RAB37: variants seen among roughly 807,000 people sequenced by gnomAD.
The protein encoded by RAB37 is ras-related protein Rab-37.
A neutral mutation model predicts 33.1 loss-of-function variants in RAB37; 29 were observed. That is an observed-to-expected ratio of 0.88 (90% CI 0.65 to 1.20). RAB37 has a LOEUF of 1.20. RAB37 is among the 50% of genes most tolerant of loss of function. The pLI is 0.00. For missense variants in RAB37, 299 were observed against 301.1 expected (o/e 0.99, Z 0.05); for synonymous variants, 128 against 119.5 (o/e 1.07, Z -0.47).
chr17:74,719,811 C>T (rs919252943), intron 1 of RAB37, among the ~76,000 whole-genome samples: 1 of 152,178 alleles, frequency 6.6e-6, no homozygotes, highest in Admixed American at 6.5e-5. Flanking sequence ...GCCACTGTAC[C>T]TGGCCAAGCA....
At chr17:74,695,511 C>T (rs1426289389) in intron 1 of RAB37, among the ~76,000 whole-genome samples, 1 of 152,206 alleles carries the variant, frequency 6.6e-6, no homozygotes, top group Admixed American at 6.5e-5. Context: ...CTCTGCTGCC[C>T]ACGTGGGGAC....
intron 1 of RAB37, among the ~76,000 whole-genome samples, chr17:74,692,948 G>A (rs751536857): frequency 7.9e-5 from 12 of 152,162 alleles, no homozygotes; most frequent in Admixed American, 1.3e-4. Context: ...AACTAGGCAC[G>A]GGGGATATGG....
chr17:74,727,687 G>C (rs1038806396), intron 1 of RAB37, among the ~76,000 whole-genome samples: 8 of 152,256 alleles, frequency 5.3e-5, no homozygotes, highest in Non-Finnish European at 1.2e-4. Flanking sequence ...GGAAGTCTGA[G>C]AGACACATTC....
chr17:74,687,719 A>G (rs1421324905), intron 1 of RAB37, among the ~76,000 whole-genome samples: 1 of 152,146 alleles, frequency 6.6e-6, no homozygotes, highest in East Asian at 1.9e-4. Flanking sequence ...CTCCAAACAA[A>G]GAGGGTCACT....
chr17:74,717,017 C>T (rs906485838), intron 1 of RAB37, among the ~76,000 whole-genome samples: 4 of 152,114 alleles, frequency 2.6e-5, no homozygotes, highest in African/African-American at 9.7e-5. Context: ...TACCTGTAGT[C>T]CCAGCTGCTC....
chr17:74,705,281 G>T, intron 1 of RAB37: 1 of 700,058 alleles, frequency 1.4e-6, no homozygotes, highest in Admixed American at 2.0e-5. Flanking sequence ...AGGCTGTCCT[G>T]GTGGTCCTAA....
chr17:74,681,428 A>G (rs993651620), intron 1 of RAB37, among the ~76,000 whole-genome samples: 1 of 152,234 alleles, frequency 6.6e-6, no homozygotes, highest in African/African-American at 2.4e-5. Context: ...TGCACTTCTG[A>G]GAAGTGCCCA....
chr17:74,705,172 A>G (rs950868373), intron 1 of RAB37: 1 of 694,726 alleles, frequency 1.4e-6, no homozygotes, highest in Non-Finnish European at 2.6e-6. Flanking sequence ...TGGGGAGGAA[A>G]TACCAGGAGA....
At chr17:74,701,487 T>C (rs2033045978) in intron 1 of RAB37, among the ~76,000 whole-genome samples, 1 of 152,204 alleles carries the variant, frequency 6.6e-6, no homozygotes, top group South Asian at 2.1e-4. Flanking sequence ...TAACCTTAAC[T>C]ATTACTTATT....
chr17:74,740,525 G>A (rs1028617867), intron 1 of RAB37, among the ~76,000 whole-genome samples: 2 of 152,160 alleles, frequency 1.3e-5, no homozygotes, highest in Non-Finnish European at 2.9e-5. Context: ...TCTCAACTCC[G>A]GCCTCTAGGA....
rs373986170 is a variant in RAB37 at position 74,714,551 on chromosome 17, C to T, written c.73-14705C>T. On this transcript the variant is annotated intron_variant, in intron 1 of 7. Transcript: ENST00000340415. ...AAGCTCCTACTGCTGTACCCCAGCC[C>T]ACCAGGTGAGATCCCAGGGATACCT... 1.3e-4 allele frequency among the ~76,000 whole-genome samples: 20 copies of T among 152,234 alleles called. No homozygotes were observed. The East Asian group carries it at 1.7e-3, about 13-fold the overall frequency.
intron 1 of RAB37, chr17:74,703,177 C>T: frequency 6.3e-7 from 1 of 1,576,326 alleles, no homozygotes; most frequent in Non-Finnish European, 8.7e-7. Flanking sequence ...AACCAGATCA[C>T]AGATGCCCCT....
intron 1 of RAB37, among the ~76,000 whole-genome samples, chr17:74,716,276 G>A (rs188856978): frequency 2.6e-5 from 4 of 152,260 alleles, no homozygotes; most frequent in East Asian, 3.9e-4. Context: ...CTGCTCTAAC[G>A]CACCTATGTA....
chr17:74,740,825 G>C lies in RAB37; in HGVS notation c.151G>C (p.Asp51His). ...GKTCFLIQFK[D>H]GAFLSGTFIA... ...AACATGTTTCCTGATCCAATTCAAA[G>C]ACGGGGCCTTCCTGTCCGGAACCTT... is the stretch of plus-strand genomic sequence containing the variant. The change falls in exon 2 of 9, where the codon GAC becomes CAC. Residue 51 changes from aspartate to histidine, a missense_variant. Coordinates refer to ENST00000392613, the MANE Select transcript of RAB37 (RefSeq NM_001006638.3). 1 of 1,614,166 alleles carries C rather than the reference G, an allele frequency of 6.2e-7. No individual in the cohort carries two copies. The highest frequency in any genetic ancestry group is 8.5e-7 in the Non-Finnish European group (1 of 1,180,024).
intron 1 of RAB37, among the ~76,000 whole-genome samples, chr17:74,717,126 ACT>A (rs1158860243): frequency 6.6e-6 from 1 of 152,172 alleles, no homozygotes; most frequent in African/African-American, 2.4e-5. Flanking sequence ...CGAGAGCGAA[ACT>A]CTGTCTCAAA....
chr17:74,692,024 C>T (rs1481745078), intron 1 of RAB37, among the ~76,000 whole-genome samples: 1 of 152,066 alleles, frequency 6.6e-6, no homozygotes, highest in African/African-American at 2.4e-5. Context: ...CGCCACCACA[C>T]CCAGTTAATT....
At chr17:74,694,899 C>T (rs552400094) in intron 1 of RAB37, 3 of 519,600 alleles carry the variant, frequency 5.8e-6, no homozygotes, top group Non-Finnish European at 6.8e-6. Context: ...GAGGAGGGGA[C>T]GTTTAGAAAA....
intron 1 of RAB37, among the ~76,000 whole-genome samples, chr17:74,723,619 C>T (rs1394466968): frequency 6.7e-6 from 1 of 149,088 alleles, no homozygotes; most frequent in Non-Finnish European, 1.5e-5. Context: ...CACTCTGTCG[C>T]CCAGGCTGGA....
intron 1 of RAB37, among the ~76,000 whole-genome samples, chr17:74,712,018 C>A (rs1409223874): frequency 6.6e-6 from 1 of 151,028 alleles, no homozygotes; most frequent in African/African-American, 2.4e-5. Flanking sequence ...GATCCTCATG[C>A]CTCAGCCTCC....
Sources: gnomAD v4.1 joint callset for allele counts (sites outside exome capture counted in the v4.1 genomes callset) on GRCh38, gnomAD v4.1.1 for gene constraint, MANE v1.5 for transcripts, NCBI Gene and HGNC (gene_info 2026-07-23, HGNC 2026-07-21) for gene names.